ATG3: variants seen among roughly 807,000 people sequenced by gnomAD.
The protein encoded by ATG3 is autophagy related 3.
ATG3 carries 25 observed loss-of-function variants against 50.7 expected under a neutral mutation model. The ratio of observed to expected loss-of-function variants is 0.49; its 90% CI spans 0.36 to 0.69. The LOEUF is 0.69. Ranked by LOEUF, ATG3 falls within the 30% of genes least tolerant of loss-of-function variation. The probability of loss-of-function intolerance (pLI) is 0.00; values close to 1 mark genes in which losing one functional copy is unlikely to be tolerated. For missense variants in ATG3, 281 were observed against 376.0 expected (o/e 0.75, Z 2.09); for synonymous variants, 119 against 125.5 (o/e 0.95, Z 0.34).
intron 7 of ATG3, among the ~76,000 whole-genome samples, chr3:112,540,619 A>G (rs745335570): frequency 7.3e-5 from 11 of 151,440 alleles, no homozygotes; most frequent in Non-Finnish European, 1.3e-4. Flanking sequence ...GAGTACAGAG[A>G]GTAAGCAAGG....
At chr3:112,533,618 C>T in intron 11 of ATG3, 1 of 985,330 alleles carries the variant, frequency 1.0e-6, no homozygotes, top group Non-Finnish European at 1.2e-6. Flanking sequence ...TAGCATCAAA[C>T]TAATTCAAGC....
In ATG3 at chr3:112,534,336, G is replaced by T; in HGVS notation, c.796C>A (p.His266Asn). The change falls in exon 11 of 12, where the codon CAT becomes AAT. Residue 266 changes from histidine to asparagine, a missense_variant and splice_region_variant. This residue lies in a region of ATG3 where 242 missense variants were observed against 305.0 expected (regional missense o/e 0.79). Coordinates refer to ENST00000283290, the MANE Select transcript of ATG3 (RefSeq NM_022488.5). ...ATGATTTTCTTCATCACCTCAGCAT[G>T]CCTAGAAGCCAAAAAAAAAAAAAAT... is the stretch of plus-strand genomic sequence containing the variant. ...PPMCSVHPCR[H>N]AEVMKKIIET... 6.9e-7 allele frequency: 1 copy of T among 1,443,192 alleles called. No homozygotes were observed. Among genetic ancestry groups the T allele is most frequent in the East Asian group, 2.5e-5 (1 of 39,592 alleles). The allele number at this position is 1,443,192 out of a possible 1,614,324, so 89.4% of individuals were successfully genotyped here. A position where few individuals can be genotyped will look rare whatever the true frequency, so the allele number is the denominator to read the frequency against.
At chr3:112,554,392 G>A (rs1204621459) in intron 2 of ATG3, among the ~76,000 whole-genome samples, 1 of 152,216 alleles carries the variant, frequency 6.6e-6, no homozygotes, top group Admixed American at 6.5e-5. Context: ...CCATCCTTAA[G>A]AAGGTTCTTT....
At position 112,561,605 on chromosome 3, in the gene ATG3, T is replaced by C. The variant is rs1933886321; in HGVS notation, c.-77A>G. The stretch of plus-strand genomic sequence containing the variant: ...TGTCAGGGGCCAGGGAGTCAGAAAA[T>C]GTCCTCGCTGCCACCGACTCGCATC... On this transcript the variant is annotated 5_prime_UTR_variant, in exon 1 of 12. Transcript: ENST00000283290. The C allele has an allele frequency of 4.2e-6, 6 of 1,426,606 alleles. No individual in the cohort carries two copies. The highest frequency in any genetic ancestry group is 4.8e-6 in the Non-Finnish European group (5 of 1,043,730). 88.4% of individuals were successfully genotyped at this position (1,426,606 alleles called of 1,614,324 possible). A position where few individuals can be genotyped will look rare whatever the true frequency, so the allele number is the denominator to read the frequency against.
chr3:112,533,902 C>T lies in ATG3; in HGVS notation c.863+367G>A, dbSNP rs1284827725. 1.3e-5 allele frequency: 13 copies of T among 1,036,002 alleles called. No homozygotes were observed. The South Asian group carries it at 4.0e-4, about 32-fold the overall frequency. 64.2% of individuals were successfully genotyped at this position (1,036,002 alleles called of 1,614,324 possible). ...TTTGTTTAAGCTGAATTATTTGCTT[C>T]AGAGACACCTCAGATTGACACAACC... On this transcript the variant is annotated intron_variant, in intron 11 of 11. Coordinates refer to ENST00000283290, the MANE Select transcript of ATG3 (RefSeq NM_022488.5).
intron 11 of ATG3, 148 bp from the exon 12 acceptor site, chr3:112,532,928 C>T (rs9855848): frequency 0.34 from 440,829 of 1,299,488 alleles, 78,934 homozygotes; most frequent in East Asian, 0.55. Context: ...TTCAACTATG[C>T]AAATTTGTGT....
At chr3:112,557,791 T>G (rs1390098300) in intron 2 of ATG3, among the ~76,000 whole-genome samples, 1 of 151,838 alleles carries the variant, frequency 6.6e-6, no homozygotes, top group East Asian at 1.9e-4. Context: ...AAAGTTCTAT[T>G]GCCAAAAAGT....
In ATG3 at chr3:112,553,154, G is replaced by A. The variant is rs1052284722; in HGVS notation, c.164+126C>T. The A allele has an allele frequency of 1.8e-5, 14 of 760,334 alleles. No homozygotes were observed. The African/African-American group carries it at 2.5e-4, about 13-fold the overall frequency. The allele number at this position is 760,334 out of a possible 1,614,324, so 47.1% of individuals were successfully genotyped here. ...TTTGAAGGGGCATTGTTTAACAGAA[G>A]AATCTGCTGGGGGGAAAGTTAAACT... On this transcript the variant is annotated intron_variant, in intron 3 of 11. Transcript: ENST00000283290.
intron 1 of ATG3, among the ~76,000 whole-genome samples, chr3:112,560,049 A>G (rs1301514580): frequency 6.6e-6 from 1 of 152,220 alleles, no homozygotes; most frequent in African/African-American, 2.4e-5. Flanking sequence ...TATACCATAC[A>G]TACTGACATG....
rs777144182 is a variant in ATG3 at position 112,561,946 on chromosome 3, G to A, written c.-418C>T. The stretch of plus-strand genomic sequence containing the variant: ...TCTTGCCGTAGCTGCGCCGCCACCG[G>A]GGCCTCACGTGACACTAGACTCTCC... On this transcript the variant is annotated 5_prime_UTR_variant, in exon 1 of 12. Coordinates refer to ENST00000283290, the MANE Select transcript of ATG3 (RefSeq NM_022488.5). The A allele has an allele frequency of 2.3e-5, 5 of 218,766 alleles. No individual in the cohort carries two copies. The South Asian group carries it at 2.8e-4, about 12-fold the overall frequency. The allele number at this position is 218,766 out of a possible 1,614,324, so 13.6% of individuals were successfully genotyped here. A position where few individuals can be genotyped will look rare whatever the true frequency, so the allele number is the denominator to read the frequency against.
chr3:112,533,435 T>C, intron 11 of ATG3: 1 of 985,270 alleles, frequency 1.0e-6, no homozygotes, highest in Non-Finnish European at 1.2e-6. Flanking sequence ...CAGGAGTAAA[T>C]ATGGTTTGGA....
intron 6 of ATG3, 48 bp downstream of exon 6, chr3:112,544,009 G>T: frequency 7.3e-7 from 1 of 1,375,206 alleles, no homozygotes; most frequent in Non-Finnish European, 1.0e-6. Context: ...AGATAGATAG[G>T]CAAATAACTA....
chr3:112,560,457 C>T (rs1171543294), intron 1 of ATG3, among the ~76,000 whole-genome samples: 2 of 152,068 alleles, frequency 1.3e-5, no homozygotes, highest in African/African-American at 2.4e-5. Flanking sequence ...AAAGTATAGA[C>T]CTAGTACTTC....
chr3:112,559,795 T>G (rs1373098825), intron 1 of ATG3, among the ~76,000 whole-genome samples: 1 of 152,232 alleles, frequency 6.6e-6, no homozygotes, highest in East Asian at 1.9e-4. Flanking sequence ...CTCTACCAAT[T>G]AAGCAGAACC....
chr3:112,541,341 C>T (rs777729599), intron 7 of ATG3, among the ~76,000 whole-genome samples: 5 of 151,338 alleles, frequency 3.3e-5, no homozygotes, highest in Non-Finnish European at 7.4e-5. Context: ...GAGCAGAGAT[C>T]GCACCACTGC....
At position 112,533,221 on chromosome 3, in the gene ATG3, T is replaced by C. The variant is rs1406149940; in HGVS notation, c.864-441A>G. ...GTATAGTAGACTGATTCTAGGTTAGTGTATGTATTTGCCAAAGACTGAGCT... is the reference window on the plus strand; with the variant it reads ...GTATAGTAGACTGATTCTAGGTTAGCGTATGTATTTGCCAAAGACTGAGCT... On this transcript the variant is annotated intron_variant, in intron 11 of 11. Coordinates refer to ENST00000283290, the MANE Select transcript of ATG3 (RefSeq NM_022488.5). The C allele has an allele frequency of 6.1e-6, 6 of 985,222 alleles. No individual in the cohort carries two copies. The East Asian group carries it at 3.4e-4, about 56-fold the overall frequency. 61.0% of individuals were successfully genotyped at this position (985,222 alleles called of 1,614,324 possible).
intron 4 of ATG3, 34 bp downstream of exon 4, chr3:112,550,158 C>T (rs373288131): frequency 2.6e-6 from 4 of 1,520,536 alleles, no homozygotes; most frequent in African/African-American, 1.4e-5. Context: ...TACCTCTACG[C>T]AAAATTTATT....
chr3:112,561,666 C>G lies in ATG3; in HGVS notation c.-138G>C, dbSNP rs1933892050. 2 of 851,170 alleles carry G rather than the reference C, an allele frequency of 2.3e-6. No homozygotes were observed. Among genetic ancestry groups the G allele is most frequent in the Admixed American group, 2.7e-5 (1 of 36,832 alleles). 52.7% of individuals were successfully genotyped at this position (851,170 alleles called of 1,614,324 possible). On this transcript the variant is annotated 5_prime_UTR_variant, in exon 1 of 12. Coordinates refer to ENST00000283290, the MANE Select transcript of ATG3 (RefSeq NM_022488.5). ...TGGCAGCACCCGAGGGGACGGGACGCGACGCGACGGGACGGGCGGGACGAG... is the reference window on the plus strand; with the variant it reads ...TGGCAGCACCCGAGGGGACGGGACGGGACGCGACGGGACGGGCGGGACGAG...
chr3:112,550,769 C>T (rs1933506266), intron 3 of ATG3, among the ~76,000 whole-genome samples: 1 of 152,138 alleles, frequency 6.6e-6, no homozygotes, highest in Admixed American at 6.5e-5. Context: ...ATAAAAGATG[C>T]TCTGAATCAT....
Sources: gnomAD v4.1 joint callset for allele counts (sites outside exome capture counted in the v4.1 genomes callset) on GRCh38, gnomAD v4.1.1 for gene constraint, gnomAD v4.1.1 regional missense constraint, MANE v1.5 for transcripts, NCBI Gene and HGNC (gene_info 2026-07-23, HGNC 2026-07-21) for gene names.